Variants in GRIN2D observed in about 807,000 individuals in gnomAD.
The protein encoded by GRIN2D is glutamate ionotropic receptor NMDA type subunit 2D.
In GRIN2D, 37 loss-of-function variants were observed where a neutral mutation model predicts 103.2. That is an observed-to-expected ratio of 0.36 (90% CI 0.28 to 0.47). GRIN2D has a LOEUF of 0.47. GRIN2D is among the 20% of genes least tolerant of loss of function. The probability of loss-of-function intolerance (pLI) is 1.00; values close to 1 mark genes in which losing one functional copy is unlikely to be tolerated. For synonymous variants in GRIN2D, 845 were observed against 885.6 expected (o/e 0.95, Z 0.81); for missense variants, 1,557 against 1,910.6 (o/e 0.81, Z 3.45).
At chr19:48,429,125 T>C (rs1971124778) in intron 11 of GRIN2D, among the ~76,000 whole-genome samples, 1 of 152,224 alleles carries the variant, frequency 6.6e-6, no homozygotes, top group Non-Finnish European at 1.5e-5. Context: ...TTTTCTCCAG[T>C]ATCCCTTGTT....
At position 48,394,224 on chromosome 19, in the gene GRIN2D, G is replaced by A. The variant is rs1295561476; in HGVS notation, c.-306+356G>A. ...GTGTGTGTCCCTCCTCAAGCTCTGG[G>A]GGTGTTGAGGGGGAATCCCAGGGAA... On this transcript the variant is annotated intron_variant, in intron 1 of 13. Coordinates refer to ENST00000263269, the MANE Select transcript of GRIN2D (RefSeq NM_000836.4). The surrounding 1 kb of genome is among the most constrained non-coding windows in gnomAD (Gnocchi z 5.1). Among the ~76,000 whole-genome samples, 1 of 151,992 alleles carries A rather than the reference G, an allele frequency of 6.6e-6. No individual in the cohort carries two copies. Among genetic ancestry groups the A allele is most frequent in the African/African-American group, 2.4e-5 (1 of 41,372 alleles).
In GRIN2D at chr19:48,421,669, T is replaced by C. The variant is rs16982071; in HGVS notation, c.2092-116T>C. 0.047 allele frequency: 37,253 copies of C among 792,506 alleles called. 1,132 individuals carry two copies. The highest frequency in any genetic ancestry group is 0.13 in the Middle Eastern group (456 of 3,570). The allele number at this position is 792,506 out of a possible 1,614,324, so 49.1% of individuals were successfully genotyped here. A position where few individuals can be genotyped will look rare whatever the true frequency, so the allele number is the denominator to read the frequency against. ...TGTAGTGAGCGAGTGTTGAGAAATA[T>C]TGAACACTCCTGGGACTGGGGTGTC... On this transcript the variant is annotated intron_variant, in intron 10 of 13. Coordinates refer to ENST00000263269, the MANE Select transcript of GRIN2D (RefSeq NM_000836.4). The surrounding 1 kb of genome is among the most constrained non-coding windows in gnomAD (Gnocchi z 4.8).
At chr19:48,436,410 AT>A (rs1198987092) in intron 11 of GRIN2D, among the ~76,000 whole-genome samples, 2 of 152,220 alleles carry the variant, frequency 1.3e-5, no homozygotes, top group African/African-American at 4.8e-5. Context: ...TCTGTAGAAT[AT>A]CTCAAGCACT....
intron 11 of GRIN2D, among the ~76,000 whole-genome samples, chr19:48,434,276 T>C (rs1240245688): frequency 2.0e-5 from 3 of 151,880 alleles, no homozygotes; most frequent in African/African-American, 7.3e-5. Context: ...TCTTTTGAGA[T>C]GCAGTCTCGC....
chr19:48,426,406 A>G (rs1971088799), intron 11 of GRIN2D, among the ~76,000 whole-genome samples: 1 of 150,970 alleles, frequency 6.6e-6, no homozygotes, highest in Non-Finnish European at 1.5e-5. Context: ...TTGTATGTTT[A>G]GTAGAGATGG....
Position 48,442,813 on chromosome 19 carries a change from CG to C in GRIN2D, c.2888del (p.Arg963ProfsTer11). ...CGCGGGCCTGGCCGACGGCTTCCAC[CG>C]CTACTACGGCCCCATCGAGCCGCAG... ...GGAGLADGFH[R>X]YYGPIEPQGL... On this transcript the variant is annotated frameshift_variant, in exon 14 of 14. Transcript: ENST00000263269. LOFTEE classifies it high-confidence loss of function. This position sits in a 1 kb window ranked among gnomAD's most constrained non-coding sequence, Gnocchi z 7.2. 1 of 1,077,700 alleles carries C rather than the reference CG, an allele frequency of 9.3e-7. No individual in the cohort carries two copies. The highest frequency in any genetic ancestry group is 3.7e-5 in the South Asian group (1 of 26,826). The allele number at this position is 1,077,700 out of a possible 1,614,324, so 66.8% of individuals were successfully genotyped here.
In GRIN2D at chr19:48,433,733, A is replaced by AT. The variant is rs1357068276; in HGVS notation, c.2253-8027dup. The stretch of plus-strand genomic sequence containing the variant: ...GGCCCCTTTCCGTAATGTAAGCATT[A>AT]TTTTTTTTTCTTTTGGATCAATTAA... On this transcript the variant is annotated intron_variant, in intron 11 of 13. Transcript: ENST00000263269. Among the ~76,000 whole-genome samples, 35 of 151,728 alleles carry AT rather than the reference A, an allele frequency of 2.3e-4. No homozygotes were observed. In the South Asian group the frequency reaches 6.5e-3, roughly 28 times the overall value.
Position 48,442,477 on chromosome 19 carries a change from G to A in GRIN2D, c.2673+95G>A, listed in dbSNP as rs1600997117. The A allele has an allele frequency of 6.5e-7, 1 of 1,527,126 alleles. No homozygotes were observed. Among genetic ancestry groups the A allele is most frequent in the East Asian group, 2.3e-5 (1 of 43,398 alleles). The allele number at this position is 1,527,126 out of a possible 1,614,324, so 94.6% of individuals were successfully genotyped here. A position where few individuals can be genotyped will look rare whatever the true frequency, so the allele number is the denominator to read the frequency against. On this transcript the variant is annotated intron_variant, in intron 13 of 13. Coordinates refer to ENST00000263269, the MANE Select transcript of GRIN2D (RefSeq NM_000836.4). The surrounding 1 kb of genome is among the most constrained non-coding windows in gnomAD (Gnocchi z 7.2). ...GACAAGGAGATGTGGGTCGAGATGTGGATAGTGGGGAAGAGAGCGGGAAAC... is the reference window on the plus strand; with the variant it reads ...GACAAGGAGATGTGGGTCGAGATGTAGATAGTGGGGAAGAGAGCGGGAAAC...
At chr19:48,404,011 G>A (rs1204555515) in intron 3 of GRIN2D, among the ~76,000 whole-genome samples, 2 of 152,182 alleles carry the variant, frequency 1.3e-5, no homozygotes, top group Non-Finnish European at 2.9e-5. Context: ...AGGCCAAAGC[G>A]GGTGGATCAT....
chr19:48,430,436 T>G (rs1361223074), intron 11 of GRIN2D, among the ~76,000 whole-genome samples: 1 of 151,054 alleles, frequency 6.6e-6, no homozygotes, highest in African/African-American at 2.5e-5. Flanking sequence ...TGACCTCAAG[T>G]GATTGGCCTG....
chr19:48,442,485 G>A lies in GRIN2D; in HGVS notation c.2673+103G>A. ...GATGTGGGTCGAGATGTGGATAGTG[G>A]GGAAGAGAGCGGGAAACACAGGCGG... On this transcript the variant is annotated intron_variant, in intron 13 of 13. Transcript: ENST00000263269. The surrounding 1 kb of genome is among the most constrained non-coding windows in gnomAD (Gnocchi z 7.2). 1 of 1,521,704 alleles carries A rather than the reference G, an allele frequency of 6.6e-7. No individual in the cohort carries two copies. The highest frequency in any genetic ancestry group is 8.8e-7 in the Non-Finnish European group (1 of 1,134,008). The allele number at this position is 1,521,704 out of a possible 1,614,324, so 94.3% of individuals were successfully genotyped here.
In GRIN2D at chr19:48,443,780, G is replaced by T; in HGVS notation, c.3854G>T (p.Arg1285Leu). 6.9e-7 allele frequency: 1 copy of T among 1,446,920 alleles called. No homozygotes were observed. Among genetic ancestry groups the T allele is most frequent in the Non-Finnish European group, 9.0e-7 (1 of 1,107,370 alleles). 89.6% of individuals were successfully genotyped at this position (1,446,920 alleles called of 1,614,324 possible). A position where few individuals can be genotyped will look rare whatever the true frequency, so the allele number is the denominator to read the frequency against. Residue 1285 changes from arginine (R) to leucine (L), a missense_variant, in exon 14 of 14, where the codon CGC (arginine) becomes CTC (leucine). Arg to Leu is a moderately radical substitution (Grantham distance 102). Transcript: ENST00000263269. This position sits in a 1 kb window ranked among gnomAD's most constrained non-coding sequence, Gnocchi z 8.9. ...LSSCPRAAPA[R>L]RLTGPSRHAR... is the part of the protein sequence containing the mutation. ...TCGTGCCCTCGCGCCGCCCCTGCGC[G>T]CAGGCTTACCGGGCCCTCCCGCCAC...
At chr19:48,431,546 G>A (rs1971155324) in intron 11 of GRIN2D, among the ~76,000 whole-genome samples, 1 of 151,192 alleles carries the variant, frequency 6.6e-6, no homozygotes, top group South Asian at 2.1e-4. Flanking sequence ...TGTCCTTGGT[G>A]GACTGACATT....
chr19:48,430,544 A>C (rs914356187), intron 11 of GRIN2D, among the ~76,000 whole-genome samples: 2 of 151,574 alleles, frequency 1.3e-5, no homozygotes, highest in Non-Finnish European at 2.9e-5. Context: ...CAAACTCCTG[A>C]GCTCAAGGGA....
At chr19:48,404,600 A>C (rs541121983) in intron 3 of GRIN2D, 134 bp from the exon 4 acceptor site, 1 of 805,006 alleles carries the variant, frequency 1.2e-6, no homozygotes, top group South Asian at 1.8e-5. Context: ...CCTGTGCCCC[A>C]GGAGGAAAAG....
intron 7 of GRIN2D, 80 bp downstream of exon 7, chr19:48,415,112 T>A: frequency 7.7e-7 from 1 of 1,293,272 alleles, no homozygotes; most frequent in Non-Finnish European, 1.1e-6. Context: ...GGCTCACGCC[T>A]GTAATCCCAG....
chr19:48,395,517 G>A (rs541481881), intron 2 of GRIN2D, among the ~76,000 whole-genome samples: 40 of 152,076 alleles, frequency 2.6e-4, no homozygotes, highest in African/African-American at 9.6e-4. Context: ...TGGGAGGTGA[G>A]GGGGGAGGAA....
chr19:48,411,955 G>C (rs972620394), intron 4 of GRIN2D, among the ~76,000 whole-genome samples: 3 of 151,930 alleles, frequency 2.0e-5, no homozygotes, highest in African/African-American at 7.3e-5. Flanking sequence ...TATGTTGGGA[G>C]GTTGAGGTGG....
At chr19:48,425,193 G>A (rs1026562405) in intron 11 of GRIN2D, among the ~76,000 whole-genome samples, 2 of 149,208 alleles carry the variant, frequency 1.3e-5, no homozygotes, top group African/African-American at 2.5e-5. Context: ...CTCAGTCCTT[G>A]CAGTGGGAGA....
Sources: allele counts gnomAD v4.1 joint callset (sites outside exome capture counted in the v4.1 genomes callset), GRCh38; gene constraint gnomAD v4.1.1; non-coding constraint Gnocchi (gnomAD v3.1); transcripts MANE v1.5; gene names NCBI Gene and HGNC (gene_info 2026-07-23, HGNC 2026-07-21).